Variants in CPLX4 observed in about 807,000 individuals in gnomAD.
CPLX4 encodes complexin-4.
A neutral mutation model predicts 16.1 loss-of-function variants in CPLX4; 17 were observed. The ratio of observed to expected loss-of-function variants is 1.06; its 90% CI spans 0.72 to 1.59. CPLX4 has a LOEUF of 1.59. Ranked by LOEUF, CPLX4 falls within the 40% of genes most tolerant of loss-of-function variation. The pLI, the probability that CPLX4 is intolerant of heterozygous loss-of-function variation, is 0.00. For missense variants in CPLX4, 193 were observed against 192.9 expected (o/e 1.00, Z 0.00); for synonymous variants, 55 against 57.8 (o/e 0.95, Z 0.22).
chr18:59,304,971 T>C (rs1292581056), intron 2 of CPLX4, among the ~76,000 whole-genome samples: 2 of 144,168 alleles, frequency 1.4e-5, no homozygotes, highest in African/African-American at 5.3e-5. Flanking sequence ...GTGTGTGCAA[T>C]TTTCTATATC....
rs1555669333 is a variant in CPLX4, at chr18:59,295,833, A to AAGAGAGAGAGAGGTTGGGAGG, written c.*844_*864dup. The AAGAGAGAGAGAGGTTGGGAGG allele has an allele frequency of 7.2e-5, 11 of 152,024 alleles. No individual in the cohort carries two copies. The highest frequency in any genetic ancestry group is 1.3e-4 in the Non-Finnish European group (9 of 67,966). The allele number at this position is 152,024 out of a possible 1,614,324, so 9.4% of individuals were successfully genotyped here. On this transcript the variant is annotated 3_prime_UTR_variant, in exon 3 of 3. Transcript: ENST00000299721. Reference sequence around the variant, plus strand: ...GAGAGATAGGGAGAGAAGGGGATGAAAGAGAGAGAGAGGTTGGGAGGAGAC... The same window carrying AAGAGAGAGAGAGGTTGGGAGG: ...GAGAGATAGGGAGAGAAGGGGATGAAAGAGAGAGAGAGGTTGGGAGGAGAGAGAGAGAGGTTGGGAGGAGAC...
At chr18:59,299,531 C>A (rs370252629) in intron 2 of CPLX4, among the ~76,000 whole-genome samples, 1 of 152,162 alleles carries the variant, frequency 6.6e-6, no homozygotes, top group East Asian at 1.9e-4. Context: ...TGAGGGCTCA[C>A]GGGATGGTGC....
chr18:59,298,088 C>T (rs1374624951), intron 2 of CPLX4, among the ~76,000 whole-genome samples: 2 of 150,652 alleles, frequency 1.3e-5, no homozygotes, highest in African/African-American at 4.9e-5. Context: ...CTTTGAGATT[C>T]CTTTATTTTT....
At chr18:59,314,544 C>G (rs1049198542) in intron 1 of CPLX4, among the ~76,000 whole-genome samples, 2 of 152,202 alleles carry the variant, frequency 1.3e-5, no homozygotes, top group African/African-American at 4.8e-5. Flanking sequence ...GCACAAACCT[C>G]TGAAGCACAC....
intron 2 of CPLX4, among the ~76,000 whole-genome samples, chr18:59,298,436 A>C (rs1238822218): frequency 6.6e-6 from 1 of 152,216 alleles, no homozygotes; most frequent in Non-Finnish European, 1.5e-5. Flanking sequence ...AGAAGATTAA[A>C]AAGAGTGTCA....
intron 2 of CPLX4, among the ~76,000 whole-genome samples, chr18:59,304,394 G>T (rs1198292272): frequency 6.6e-6 from 1 of 152,072 alleles, no homozygotes; most frequent in African/African-American, 2.4e-5. Context: ...AAAACATATT[G>T]CTTCCTCTAC....
chr18:59,295,651 C>T lies in CPLX4; in HGVS notation c.*1047G>A, dbSNP rs982616317. On this transcript the variant is annotated 3_prime_UTR_variant, in exon 3 of 3. Transcript: ENST00000299721. The stretch of plus-strand genomic sequence containing the variant: ...TCGAAGTGTTTCAGTGGTAATTGTC[C>T]TAAGTCTTTTGAATTATTCCTTTTG... 3 of 151,470 alleles carry T rather than the reference C, an allele frequency of 2.0e-5. No homozygotes were observed. Among genetic ancestry groups the T allele is most frequent in the Non-Finnish European group, 4.4e-5 (3 of 67,962 alleles). 9.4% of individuals were successfully genotyped at this position (151,470 alleles called of 1,614,324 possible). A position where few individuals can be genotyped will look rare whatever the true frequency, so the allele number is the denominator to read the frequency against.
At chr18:59,301,128 C>T (rs545109031) in intron 2 of CPLX4, among the ~76,000 whole-genome samples, 102 of 152,350 alleles carry the variant, frequency 6.7e-4, no homozygotes, top group African/African-American at 2.5e-3. Flanking sequence ...CCTAGTCTGC[C>T]TGGCCACTCT....
At chr18:59,297,160 G>A (rs1291049550) in intron 2 of CPLX4, among the ~76,000 whole-genome samples, 1 of 152,024 alleles carries the variant, frequency 6.6e-6, no homozygotes, top group Non-Finnish European at 1.5e-5. Context: ...TTCTCCAAGT[G>A]TGGTCTCTGG....
chr18:59,299,459 G>C (rs1397180688), intron 2 of CPLX4, among the ~76,000 whole-genome samples: 1 of 152,224 alleles, frequency 6.6e-6, no homozygotes, highest in African/African-American at 2.4e-5. Context: ...GGGATGGGCA[G>C]CTAGAGGGGC....
At chr18:59,311,989 G>A (rs919311324) in intron 2 of CPLX4, among the ~76,000 whole-genome samples, 1 of 152,120 alleles carries the variant, frequency 6.6e-6, no homozygotes, top group Non-Finnish European at 1.5e-5. Context: ...AAATAGAGGT[G>A]GAATATCATA....
At chr18:59,301,730 G>A (rs1024930682) in intron 2 of CPLX4, among the ~76,000 whole-genome samples, 2 of 152,216 alleles carry the variant, frequency 1.3e-5, no homozygotes, top group East Asian at 1.9e-4. Context: ...TATCCAAACC[G>A]TTTTCTGGTG....
chr18:59,312,364 A>G (rs1603392102), intron 2 of CPLX4, among the ~76,000 whole-genome samples: 2 of 151,402 alleles, frequency 1.3e-5, no homozygotes, highest in Non-Finnish European at 2.9e-5. Context: ...TCTTTTCACT[A>G]TATCAAACAT....
At position 59,295,605 on chromosome 18, in the gene CPLX4, G is replaced by A. The variant is rs2070493920; in HGVS notation, c.*1093C>T. The A allele has an allele frequency of 1.3e-5, 2 of 151,708 alleles. No individual in the cohort carries two copies. Among genetic ancestry groups the A allele is most frequent in the Admixed American group, 1.3e-4 (2 of 15,246 alleles). 9.4% of individuals were successfully genotyped at this position (151,708 alleles called of 1,614,324 possible). ...AAAAATCAGTATTTTGTTTTGGTTT[G>A]GTGGGCTTTAGCTAAATAGCTCGAA... On this transcript the variant is annotated 3_prime_UTR_variant, in exon 3 of 3. Transcript: ENST00000299721.
chr18:59,318,481 A>C lies in CPLX4; in HGVS notation c.-19T>G. ...AAGCCATTTTCTCTGCCCCAGAAAA[A>C]TAAAACCAAAATTCAGACAAAAGCT... On this transcript the variant is annotated 5_prime_UTR_variant, in exon 1 of 3. Transcript: ENST00000299721. The C allele has an allele frequency of 6.3e-7, 1 of 1,581,670 alleles. No homozygotes were observed.
intron 2 of CPLX4, among the ~76,000 whole-genome samples, chr18:59,307,300 T>C (rs1253359402): frequency 1.8e-4 from 27 of 152,160 alleles, no homozygotes; most frequent in African/African-American, 2.4e-5. Context: ...AATAAGTCTA[T>C]TGAAAAGAGA....
At chr18:59,312,647 T>C (rs1295940404) in intron 2 of CPLX4, 38 bp downstream of exon 2, 2 of 852,920 alleles carry the variant, frequency 2.3e-6, no homozygotes, top group Non-Finnish European at 4.0e-6. Context: ...CATTTATCAT[T>C]AATTAAGAAA....
At chr18:59,316,934 C>T (rs2070654812) in intron 1 of CPLX4, among the ~76,000 whole-genome samples, 1 of 152,048 alleles carries the variant, frequency 6.6e-6, no homozygotes. Flanking sequence ...ACTTATTTTG[C>T]TTTTAAGCTT....
intron 2 of CPLX4, among the ~76,000 whole-genome samples, chr18:59,299,052 C>T (rs1350083363): frequency 6.6e-6 from 1 of 152,284 alleles, no homozygotes; most frequent in Non-Finnish European, 1.5e-5. Flanking sequence ...CCTCTCCCTG[C>T]TCTTGGCCAG....
Sources: allele counts gnomAD v4.1 joint callset (sites outside exome capture counted in the v4.1 genomes callset), GRCh38; gene constraint gnomAD v4.1.1; transcripts MANE v1.5; gene names NCBI Gene and HGNC (gene_info 2026-07-23, HGNC 2026-07-21).